The following RUNX1 variants were observed in gnomAD, a reference collection of about 807,000 sequenced individuals.
RUNX1 encodes the protein RUNX family transcription factor 1.
In RUNX1, 19 loss-of-function variants were observed where a neutral mutation model predicts 42.8. The ratio of observed to expected loss-of-function variants is 0.44; its 90% CI spans 0.31 to 0.65. The LOEUF (loss-of-function observed/expected upper bound fraction) is 0.65. Among genes scored for constraint, RUNX1 ranks in the 30% least tolerant of loss-of-function variants. The pLI is 0.07. For synonymous variants in RUNX1, 271 were observed against 289.4 expected (o/e 0.94, Z 0.64); for missense variants, 528 against 672.0 (o/e 0.79, Z 2.37).
chr21:34,800,045 T>C (rs2145912358), intron 7 of RUNX1, among the ~76,000 whole-genome samples: 1 of 152,334 alleles, frequency 6.6e-6, no homozygotes, highest in Non-Finnish European at 1.5e-5. Flanking sequence ...CAATGAGGTC[T>C]AATGACTAGT....
chr21:35,000,280 A>G (rs1484122394), intron 2 of RUNX1, among the ~76,000 whole-genome samples: 1 of 127,772 alleles, frequency 7.8e-6, no homozygotes, highest in Non-Finnish European at 1.6e-5. Context: ...TTGCTCTGTC[A>G]CCCAGGCTGG....
chr21:34,859,232 T>C, intron 6 of RUNX1: 1 of 560,302 alleles, frequency 1.8e-6, no homozygotes, highest in Middle Eastern at 4.1e-4. Context: ...TTCTAACATA[T>C]GATTCAGTCA....
At chr21:34,888,641 C>A (rs1360972643) in intron 3 of RUNX1, 2 of 1,052,670 alleles carry the variant, frequency 1.9e-6, no homozygotes, top group African/African-American at 1.7e-5. Context: ...GGTGCCCTGG[C>A]TGGGTCCGGC....
intron 7 of RUNX1, among the ~76,000 whole-genome samples, chr21:34,803,318 C>T (rs541408286): frequency 1.9e-4 from 29 of 152,070 alleles, no homozygotes; most frequent in African/African-American, 5.8e-4. Context: ...GAGGCCGAGG[C>T]GGGTGGATCA....
In RUNX1 at chr21:34,933,149, A is replaced by G. The variant is rs146468761; in HGVS notation, c.59-40186T>C. Among the ~76,000 whole-genome samples, 173 of 152,344 alleles carry G rather than the reference A, an allele frequency of 1.1e-3. 1 individual carries two copies. In the East Asian group the frequency reaches 0.032, roughly 28 times the overall value. On this transcript the variant is annotated intron_variant, in intron 2 of 8. Transcript: ENST00000675419. The stretch of plus-strand genomic sequence containing the variant: ...GATTGCAAAGCTATACACACAGGAC[A>G]TAACAGTTTATCTTGGAAAATTAGT...
intron 2 of RUNX1, among the ~76,000 whole-genome samples, chr21:34,990,798 C>T (rs546299921): frequency 3.9e-5 from 6 of 152,242 alleles, no homozygotes; most frequent in East Asian, 3.9e-4. Flanking sequence ...ACCATGTTGG[C>T]CAGGCTGGTC....
chr21:34,812,412 G>C (rs969210206), intron 7 of RUNX1, among the ~76,000 whole-genome samples: 20 of 152,192 alleles, frequency 1.3e-4, no homozygotes, highest in African/African-American at 4.8e-4. Context: ...AACACTTGAA[G>C]ATAAGAGCCA....
At chr21:34,958,977 A>C (rs2058664846) in intron 2 of RUNX1, among the ~76,000 whole-genome samples, 1 of 151,480 alleles carries the variant, frequency 6.6e-6, no homozygotes, top group Non-Finnish European at 1.5e-5. Context: ...GCATGTTCTC[A>C]CTCATAGATG....
intron 2 of RUNX1, among the ~76,000 whole-genome samples, chr21:35,017,379 C>T (rs1167318428): frequency 5.3e-5 from 8 of 151,926 alleles, no homozygotes; most frequent in South Asian, 2.1e-4. Flanking sequence ...CAAAGGGTGC[C>T]GAAAGGAGAG....
chr21:34,842,006 C>T (rs1569044247), intron 6 of RUNX1, among the ~76,000 whole-genome samples: 1 of 151,990 alleles, frequency 6.6e-6, no homozygotes, highest in African/African-American at 2.4e-5. Context: ...CTAATGTTGG[C>T]TGAATGAATG....
chr21:34,887,856 T>C, intron 3 of RUNX1: 1 of 1,065,016 alleles, frequency 9.4e-7, no homozygotes, highest in Non-Finnish European at 1.1e-6. Context: ...CTAGAAGTAC[T>C]TGTCATGTTC....
At chr21:34,945,695 A>T (rs2058559012) in intron 2 of RUNX1, among the ~76,000 whole-genome samples, 1 of 152,166 alleles carries the variant, frequency 6.6e-6, no homozygotes, top group African/African-American at 2.4e-5. Context: ...CCTCTCTGAC[A>T]GTTCCTTTCA....
At chr21:35,035,695 C>T (rs996966799) in intron 2 of RUNX1, among the ~76,000 whole-genome samples, 23 of 152,138 alleles carry the variant, frequency 1.5e-4, no homozygotes, top group African/African-American at 5.3e-4. Flanking sequence ...GAATTGTTCA[C>T]GACAACAGTG....
At chr21:34,886,594 A>G (rs954198449) in intron 4 of RUNX1, among the ~76,000 whole-genome samples, 8 of 152,166 alleles carry the variant, frequency 5.3e-5, no homozygotes, top group Non-Finnish European at 1.2e-4. Flanking sequence ...CTCCCAGTGG[A>G]TATCTTTGGG....
intron 2 of RUNX1, among the ~76,000 whole-genome samples, chr21:34,975,344 T>C (rs1167038810): frequency 2.0e-5 from 3 of 152,256 alleles, no homozygotes; most frequent in Non-Finnish European, 4.4e-5. Context: ...TATATATGGA[T>C]GGTTGTCTGT....
In RUNX1 at chr21:34,791,871, G is replaced by A. The variant is rs560356828; in HGVS notation, c.*264C>T. On this transcript the variant is annotated 3_prime_UTR_variant, in exon 9 of 9. Coordinates refer to ENST00000675419, the MANE Select transcript of RUNX1 (RefSeq NM_001754.5). ...AGCGCGTCCCCTGGGTGCTGGGGCCGGCGGACACCCTCGAGGTGCGTCGCC... is the reference window on the plus strand; with the variant it reads ...AGCGCGTCCCCTGGGTGCTGGGGCCAGCGGACACCCTCGAGGTGCGTCGCC... The A allele has an allele frequency of 2.5e-4, 66 of 259,332 alleles. No individual in the cohort carries two copies. The South Asian group carries it at 5.2e-3, about 20-fold the overall frequency. The allele number at this position is 259,332 out of a possible 1,614,324, so 16.1% of individuals were successfully genotyped here.
At chr21:34,887,716 G>A in intron 3 of RUNX1, 2 of 1,059,614 alleles carry the variant, frequency 1.9e-6, no homozygotes, top group Non-Finnish European at 2.3e-6. Flanking sequence ...ATATACATAT[G>A]CTCTACTTCA....
At chr21:34,961,751 T>TTC (rs1210884301) in intron 2 of RUNX1, among the ~76,000 whole-genome samples, 1 of 152,204 alleles carries the variant, frequency 6.6e-6, no homozygotes, top group Non-Finnish European at 1.5e-5. Context: ...AAATTTTCCA[T>TTC]AAGAAGAGGG....
chr21:35,049,115 T>TA lies in RUNX1; in HGVS notation c.-60+52dup, dbSNP rs79420744. The TA allele has an allele frequency of 0.019, 8,129 of 426,376 alleles. 51 individuals carry two copies. Among genetic ancestry groups the TA allele is most frequent in the African/African-American group, 0.053 (2,387 of 45,210 alleles). 26.4% of individuals were successfully genotyped at this position (426,376 alleles called of 1,614,324 possible). On this transcript the variant is annotated intron_variant, in intron 1 of 8. Transcript: ENST00000675419. Reference sequence around the variant, plus strand: ...AACAAATATTCAAATTGTTAAAGATTAAAAAAAAAAAAAAAGCCAGCGCCG... The same window carrying TA: ...AACAAATATTCAAATTGTTAAAGATTAAAAAAAAAAAAAAAAGCCAGCGCCG...
Sources: gnomAD v4.1 joint callset for allele counts (sites outside exome capture counted in the v4.1 genomes callset) on GRCh38, gnomAD v4.1.1 for gene constraint, MANE v1.5 for transcripts, NCBI Gene and HGNC (gene_info 2026-07-23, HGNC 2026-07-21) for gene names.